Variants in CLPB observed in about 807,000 individuals in gnomAD.
CLPB encodes ClpB family mitochondrial disaggregase, also known as mitochondrial disaggregase.
In CLPB, 40 loss-of-function variants were observed where a neutral mutation model predicts 78.4. The observed-to-expected ratio is 0.51, with a 90% CI of 0.40 to 0.66. The LOEUF is 0.66. Ranked by LOEUF, CLPB falls within the 30% of genes least tolerant of loss-of-function variation. The probability of loss-of-function intolerance (pLI) is 0.00; values close to 1 mark genes in which losing one functional copy is unlikely to be tolerated. For synonymous variants in CLPB, 333 were observed against 348.0 expected, an observed-to-expected ratio of 0.96 and a Z score of 0.48; for missense variants, 780 against 886.9, an observed-to-expected ratio of 0.88 and a Z score of 1.53.
chr11:72,423,652 TATC>T (rs1229395500), intron 2 of CLPB, among the ~76,000 whole-genome samples: 1 of 152,272 alleles, frequency 6.6e-6, no homozygotes, highest in African/African-American at 2.4e-5. Context: ...TGCAGATCTA[TATC>T]ATGTCACAAT....
At chr11:72,418,747 C>G (rs1033133305) in intron 2 of CLPB, among the ~76,000 whole-genome samples, 1 of 151,272 alleles carries the variant, frequency 6.6e-6, no homozygotes, top group Non-Finnish European at 1.5e-5. Flanking sequence ...CCCAGCTACT[C>G]TGGAGGCTGA....
rs956880411 is a variant in CLPB, at chr11:72,403,858, T to C, written c.456-806A>G. Among the ~76,000 whole-genome samples, 67 of 152,242 alleles carry C rather than the reference T, an allele frequency of 4.4e-4. 1 individual carries two copies. Among genetic ancestry groups the C allele is most frequent in the Admixed American group, 4.0e-3 (61 of 15,300 alleles). On this transcript the variant is annotated intron_variant, in intron 2 of 15. Coordinates refer to ENST00000538039, the MANE Select transcript of CLPB (RefSeq NM_001258392.3). ...GCTCCCAGGACAAAAGGACCAACAA[T>C]GTAGGGGTGGGTAAATAGAATGAAC...
intron 12 of CLPB, 87 bp from the exon 13 acceptor site, chr11:72,294,780 A>G: frequency 4.6e-6 from 5 of 1,091,918 alleles, no homozygotes; most frequent in Non-Finnish European, 7.1e-6. Context: ...CCATGGAAAG[A>G]GCCCTGGTCC....
chr11:72,392,376 G>A (rs1049734944), intron 3 of CLPB, among the ~76,000 whole-genome samples: 1 of 152,098 alleles, frequency 6.6e-6, no homozygotes, highest in Non-Finnish European at 1.5e-5. Flanking sequence ...CAGTAACCTG[G>A]TCTCTGGCTG....
chr11:72,357,700 GAAAAAAAAAAAAAA>G (rs747456359), intron 5 of CLPB, among the ~76,000 whole-genome samples: 1 of 43,882 alleles, frequency 2.3e-5, no homozygotes, highest in Non-Finnish European at 4.7e-5. Context: ...CCGTGTCCCA[GAAAAAAAAAAAAAA>G]AAAAAAAAAA....
At chr11:72,369,031 C>A (rs1277145903) in intron 4 of CLPB, among the ~76,000 whole-genome samples, 1 of 152,160 alleles carries the variant, frequency 6.6e-6, no homozygotes, top group Non-Finnish European at 1.5e-5. Flanking sequence ...CCCACAGGGA[C>A]CCCAAGCACA....
chr11:72,366,739 TGAGGCTGTAGAGAAAAGAG>T (rs1395211861), intron 4 of CLPB, among the ~76,000 whole-genome samples: 2 of 152,078 alleles, frequency 1.3e-5, no homozygotes, highest in African/African-American at 4.8e-5. Context: ...CTCTTATTGG[TGAGGCTGTAGAGAAAAGAG>T]AATGCTTATA....
intron 12 of CLPB, among the ~76,000 whole-genome samples, chr11:72,294,906 G>A (rs1429330736): frequency 6.6e-6 from 1 of 151,952 alleles, no homozygotes; most frequent in East Asian, 1.9e-4. Context: ...TGAAGTCTGC[G>A]ATTCCTCAGG....
rs1949503628 is a variant in CLPB, at chr11:72,294,107, ATGT to A, written c.1697_1699del (p.Asn566del). 1 of 1,614,100 alleles carries A rather than the reference ATGT, an allele frequency of 6.2e-7. No individual in the cohort carries two copies. Among genetic ancestry groups the A allele is most frequent in the Non-Finnish European group, 8.5e-7 (1 of 1,180,002 alleles). On this transcript the variant is annotated inframe_deletion, in exon 15 of 16. Transcript: ENST00000538039. ...CACCTCGCGGTCCCAGAGCAGCGTG[ATGT>A]TGTGCCTTTGCTTGGCCTGAGATGG...
chr11:72,302,696 G>T, intron 9 of CLPB: 1 of 302,066 alleles, frequency 3.3e-6, no homozygotes, highest in Non-Finnish European at 6.5e-6. Flanking sequence ...TGTGTGTGCT[G>T]GACACCGGAG....
chr11:72,401,210 CG>C (rs1388216312), intron 3 of CLPB, among the ~76,000 whole-genome samples: 2 of 151,974 alleles, frequency 1.3e-5, no homozygotes, highest in Non-Finnish European at 2.9e-5. Context: ...GAGGCCAAGG[CG>C]GGTGGATCAC....
chr11:72,298,680 T>C (rs1210700205), intron 11 of CLPB, among the ~76,000 whole-genome samples: 1 of 152,166 alleles, frequency 6.6e-6, no homozygotes, highest in Non-Finnish European at 1.5e-5. Flanking sequence ...GTATTTTTTG[T>C]AGAGACAAGG....
chr11:72,299,029 C>T (rs1949607975), intron 11 of CLPB, among the ~76,000 whole-genome samples: 1 of 152,246 alleles, frequency 6.6e-6, no homozygotes, highest in Non-Finnish European at 1.5e-5. Context: ...GCCCCTTGGC[C>T]ATCTCCATCT....
intron 11 of CLPB, among the ~76,000 whole-genome samples, chr11:72,295,898 T>C (rs1949543398): frequency 1.3e-5 from 2 of 152,248 alleles, no homozygotes; most frequent in South Asian, 2.1e-4. Context: ...AGTTGCTCTC[T>C]GGCATCTCTT....
chr11:72,319,273 A>G (rs1344828057), intron 6 of CLPB, among the ~76,000 whole-genome samples: 1 of 152,246 alleles, frequency 6.6e-6, no homozygotes, highest in African/African-American at 2.4e-5. Context: ...TTCCTGGACC[A>G]TGAGGTCACT....
At chr11:72,406,157 TG>T (rs1008362662) in intron 2 of CLPB, among the ~76,000 whole-genome samples, 1 of 152,080 alleles carries the variant, frequency 6.6e-6, no homozygotes, top group Admixed American at 6.6e-5. Flanking sequence ...AAGACCAGTT[TG>T]GAGGTGTAAT....
chr11:72,427,537 G>T (rs1044756629), intron 2 of CLPB, among the ~76,000 whole-genome samples: 1 of 152,188 alleles, frequency 6.6e-6, no homozygotes, highest in Non-Finnish European at 1.5e-5. Flanking sequence ...TTGTGACGTT[G>T]TAACTGTCTC....
chr11:72,419,895 A>G (rs1856139135), intron 2 of CLPB, among the ~76,000 whole-genome samples: 1 of 152,212 alleles, frequency 6.6e-6, no homozygotes, highest in Non-Finnish European at 1.5e-5. Flanking sequence ...AATCCTGTAC[A>G]TGTCTGACTA....
Position 72,322,940 on chromosome 11 carries a change from G to A in CLPB, c.874-5720C>T, listed in dbSNP as rs369662301. On this transcript the variant is annotated intron_variant, in intron 6 of 15. Transcript: ENST00000538039. Reference sequence around the variant, plus strand: ...ATCATCCCCATTGTACAGAGATTAAGTACATTCAAGCAAGGTTCTACTGGC... The same window carrying A: ...ATCATCCCCATTGTACAGAGATTAAATACATTCAAGCAAGGTTCTACTGGC... Among the ~76,000 whole-genome samples, 50 of 152,242 alleles carry A rather than the reference G, an allele frequency of 3.3e-4. No individual in the cohort carries two copies. The East Asian group carries it at 4.4e-3, about 14-fold the overall frequency.
Sources: allele counts gnomAD v4.1 joint callset (sites outside exome capture counted in the v4.1 genomes callset), GRCh38; gene constraint gnomAD v4.1.1; transcripts MANE v1.5; gene names NCBI Gene and HGNC (gene_info 2026-07-23, HGNC 2026-07-21).